The following IYD variants were observed in gnomAD, a reference collection of about 807,000 sequenced individuals.
IYD encodes iodotyrosine deiodinase, also known as iodotyrosine deiodinase 1.
IYD carries 25 observed loss-of-function variants against 28.4 expected under a neutral mutation model. The observed-to-expected ratio is 0.88, with a 90% CI of 0.64 to 1.23. IYD has a LOEUF of 1.23. Ranked by LOEUF, IYD falls within the 50% of genes most tolerant of loss-of-function variation. The pLI, the probability that IYD is intolerant of heterozygous loss-of-function variation, is 0.00. For missense variants in IYD, 352 were observed against 357.9 expected, an observed-to-expected ratio of 0.98 and a Z score of 0.13; for synonymous variants, 140 against 130.8, an observed-to-expected ratio of 1.07 and a Z score of -0.48.
At chr6:150,396,659 G>C (rs1778325354) in intron 4 of IYD, 1 of 408,860 alleles carries the variant, frequency 2.4e-6, no homozygotes, top group Non-Finnish European at 4.3e-6. Flanking sequence ...CGGATCACGA[G>C]GTCAGGAGAT....
chr6:150,389,613 A>T (rs775267043), intron 2 of IYD, 70 bp downstream of exon 2: 6 of 1,346,328 alleles, frequency 4.5e-6, no homozygotes, highest in Non-Finnish European at 6.4e-6. Flanking sequence ...CAATGGAAAA[A>T]TGTCAAAGTT....
At chr6:150,388,311 T>C (rs1244279058) in intron 1 of IYD, among the ~76,000 whole-genome samples, 1 of 152,208 alleles carries the variant, frequency 6.6e-6, no homozygotes, top group Admixed American at 6.5e-5. Context: ...CTGTCACCCT[T>C]AATCCCTGAA....
At chr6:150,370,684 A>C (rs1319867234) in intron 1 of IYD, 8 of 985,232 alleles carry the variant, frequency 8.1e-6, no homozygotes, top group Non-Finnish European at 9.6e-6. Flanking sequence ...TTGTGCTGGT[A>C]AGGATGGCCT....
intron 2 of IYD, among the ~76,000 whole-genome samples, chr6:150,391,179 C>T (rs1379932565): frequency 2.0e-5 from 3 of 149,548 alleles, no homozygotes; most frequent in Non-Finnish European, 3.0e-5. Context: ...GGAAGTTGCA[C>T]TGAGCTGAGA....
intron 3 of IYD, among the ~76,000 whole-genome samples, chr6:150,393,057 C>T (rs1162052817): frequency 1.3e-5 from 2 of 152,070 alleles, no homozygotes; most frequent in Admixed American, 6.5e-5. Context: ...GTTGGTTCAT[C>T]CAGTGAGTCA....
At chr6:150,392,049 T>C (rs566592482) in intron 2 of IYD, among the ~76,000 whole-genome samples, 10 of 152,138 alleles carry the variant, frequency 6.6e-5, no homozygotes, top group Non-Finnish European at 1.2e-4. Flanking sequence ...AAAAAAAAGT[T>C]TTTTTAAGAG....
chr6:150,369,478 G>A (rs1194619087), intron 1 of IYD, among the ~76,000 whole-genome samples: 1 of 152,202 alleles, frequency 6.6e-6, no homozygotes, highest in Non-Finnish European at 1.5e-5. Flanking sequence ...CTACAATTCT[G>A]TTCTGGTTGT....
intron 1 of IYD, 34 bp from the exon 2 acceptor site, chr6:150,389,318 T>C (rs767202544): frequency 7.1e-6 from 11 of 1,557,168 alleles, no homozygotes; most frequent in Admixed American, 1.7e-5. Flanking sequence ...CAAGGGATCA[T>C]TTAGTTTGTT....
intron 1 of IYD, among the ~76,000 whole-genome samples, chr6:150,381,917 T>C (rs1777659693): frequency 1.3e-5 from 2 of 152,236 alleles, no homozygotes; most frequent in Non-Finnish European, 2.9e-5. Flanking sequence ...AGTTTAGGAC[T>C]ATTATCAACT....
intron 1 of IYD, among the ~76,000 whole-genome samples, chr6:150,374,099 C>T (rs1200358321): frequency 3.9e-5 from 6 of 152,202 alleles, no homozygotes; most frequent in African/African-American, 1.4e-4. Context: ...GTCTTCACTC[C>T]ACTGCTTTGG....
intron 1 of IYD, among the ~76,000 whole-genome samples, chr6:150,378,301 G>T (rs973636968): frequency 1.3e-5 from 2 of 149,320 alleles, no homozygotes; most frequent in Non-Finnish European, 2.9e-5. Context: ...TTAGCATTAG[G>T]TATATCTCCT....
intron 1 of IYD, chr6:150,370,467 C>T (rs1777200683): frequency 1.0e-6 from 1 of 984,826 alleles, no homozygotes; most frequent in African/African-American, 1.7e-5. Flanking sequence ...GTGTCCTAAT[C>T]TCAGGACCGG....
rs563635255 is a variant in IYD, at chr6:150,400,886, A to T, written c.*2649A>T. 2 of 152,354 alleles carry T rather than the reference A, an allele frequency of 1.3e-5. No homozygotes were observed. The highest frequency in any genetic ancestry group is 3.9e-4 in the East Asian group (2 of 5,186). The allele number at this position is 152,354 out of a possible 1,614,324, so 9.4% of individuals were successfully genotyped here. ...GTAAGCCTTGATTGGATTTTGGTTT[A>T]GGAAAAATCTCATAGGTATAAAAGA... is the stretch of plus-strand genomic sequence containing the variant. On this transcript the variant is annotated 3_prime_UTR_variant, in exon 5 of 5. Coordinates refer to ENST00000344419, the MANE Select transcript of IYD (RefSeq NM_203395.3).
At position 150,394,196 on chromosome 6, in the gene IYD, C is replaced by A. The variant is rs886061165; in HGVS notation, c.628C>A (p.His210Asn). 1 of 1,614,018 alleles carries A rather than the reference C, an allele frequency of 6.2e-7. No individual in the cohort carries two copies. The highest frequency in any genetic ancestry group is 1.3e-5 in the African/African-American group (1 of 74,898). The part of the protein sequence containing the change: ...GFAANGKKKV[H>N]YYNEISVSIA... Reference sequence around the variant, plus strand: ...CGCCGCAAATGGCAAGAAAAAAGTCCACTACTACAATGAGATCAGTGTTTC... The same window carrying A: ...CGCCGCAAATGGCAAGAAAAAAGTCAACTACTACAATGAGATCAGTGTTTC... Residue 210 changes from histidine (H) to asparagine (N), a missense_variant, in exon 4 of 5, where the codon CAC becomes AAC. Coordinates refer to ENST00000344419, the MANE Select transcript of IYD (RefSeq NM_203395.3).
intron 1 of IYD, chr6:150,370,786 T>C (rs905427417): frequency 1.1e-5 from 5 of 443,238 alleles, no homozygotes; most frequent in African/African-American, 1.1e-4. Flanking sequence ...AATTGGATAT[T>C]GGGAAAAGGA....
rs1778625368 is a variant in IYD at position 150,405,849 on chromosome 6, A to G, written c.*7612A>G. On this transcript the variant is annotated 3_prime_UTR_variant, in exon 5 of 5. Coordinates refer to ENST00000344419, the MANE Select transcript of IYD (RefSeq NM_203395.3). ...TCTTTTATTCTGCACATCCAAATCC[A>G]TGAGCAAGTTATACTGACTTTATCT... 1.3e-5 allele frequency: 2 copies of G among 152,172 alleles called. No homozygotes were observed. The highest frequency in any genetic ancestry group is 2.9e-5 in the Non-Finnish European group (2 of 68,026). The allele number at this position is 152,172 out of a possible 1,614,324, so 9.4% of individuals were successfully genotyped here. A position where few individuals can be genotyped will look rare whatever the true frequency, so the allele number is the denominator to read the frequency against.
chr6:150,383,195 G>A (rs989589731), intron 1 of IYD, among the ~76,000 whole-genome samples: 6 of 152,132 alleles, frequency 3.9e-5, no homozygotes, highest in African/African-American at 1.4e-4. Flanking sequence ...ATTATCTTAG[G>A]CTGCAAGCAC....
chr6:150,382,653 C>T (rs1037705158), intron 1 of IYD, among the ~76,000 whole-genome samples: 1 of 152,164 alleles, frequency 6.6e-6, no homozygotes, highest in African/African-American at 2.4e-5. Flanking sequence ...TTCTGTCTTT[C>T]TCTTTCCATG....
chr6:150,370,578 A>G (rs1293960457), intron 1 of IYD: 2 of 985,266 alleles, frequency 2.0e-6, no homozygotes, highest in Admixed American at 6.1e-5. Context: ...TTGCTCTCCT[A>G]CATTGAAACC....
Sources: allele counts gnomAD v4.1 joint callset (sites outside exome capture counted in the v4.1 genomes callset), GRCh38; gene constraint gnomAD v4.1.1; transcripts MANE v1.5; gene names NCBI Gene and HGNC (gene_info 2026-07-23, HGNC 2026-07-21).